The following ARL15 variants were observed in gnomAD, a reference collection of about 807,000 sequenced individuals.
ARL15 encodes ARF like GTPase 15.
A neutral mutation model predicts 25.2 loss-of-function variants in ARL15; 19 were observed. The ratio of observed to expected loss-of-function variants is 0.75; its 90% CI spans 0.53 to 1.10. The LOEUF is 1.10. ARL15 is among the 50% of genes least tolerant of loss of function. The pLI, the probability that ARL15 is intolerant of heterozygous loss-of-function variation, is 0.00. For missense variants in ARL15, 220 were observed against 246.0 expected (o/e 0.89, Z 0.71); for synonymous variants, 94 against 86.8 (o/e 1.08, Z -0.46).
chr5:53,890,313 T>C (rs1580052373), intron 4 of ARL15, among the ~76,000 whole-genome samples: 2 of 152,312 alleles, frequency 1.3e-5, no homozygotes, highest in East Asian at 3.9e-4. Flanking sequence ...TCTGACGTTA[T>C]TTTTAAGGTT....
chr5:54,064,247 C>A (rs898612303), intron 4 of ARL15, among the ~76,000 whole-genome samples: 1 of 152,054 alleles, frequency 6.6e-6, no homozygotes, highest in Non-Finnish European at 1.5e-5. Context: ...TACCGAAATA[C>A]AGATGATGAG....
chr5:54,093,942 C>T (rs1437518723), intron 4 of ARL15, among the ~76,000 whole-genome samples: 1 of 152,118 alleles, frequency 6.6e-6, no homozygotes, highest in Non-Finnish European at 1.5e-5. Context: ...TGTTTAAAAT[C>T]CACATTCTTA....
chr5:53,923,847 AG>A (rs890755747), intron 4 of ARL15, among the ~76,000 whole-genome samples: 36 of 152,060 alleles, frequency 2.4e-4, no homozygotes, highest in African/African-American at 8.7e-4. Flanking sequence ...CCTGGGCAAC[AG>A]AGCAAGACTC....
chr5:53,889,834 CAG>C (rs988056919), intron 4 of ARL15, among the ~76,000 whole-genome samples: 1 of 137,046 alleles, frequency 7.3e-6, no homozygotes, highest in African/African-American at 2.7e-5. Context: ...TTTTCCGAGA[CAG>C]AGTTTTGCTC....
intron 1 of ARL15, among the ~76,000 whole-genome samples, chr5:54,200,452 G>T (rs952197730): frequency 6.6e-6 from 1 of 152,056 alleles, no homozygotes; most frequent in Non-Finnish European, 1.5e-5. Context: ...ACTTTGAGAA[G>T]CAGCCAAGAT....
At chr5:53,985,390 TCAC>T (rs1056414376) in intron 4 of ARL15, among the ~76,000 whole-genome samples, 4 of 152,214 alleles carry the variant, frequency 2.6e-5, no homozygotes, top group Non-Finnish European at 5.9e-5. Context: ...TGTGCAACCA[TCAC>T]CACCATCCAT....
At chr5:54,230,726 C>T (rs930960792) in intron 1 of ARL15, among the ~76,000 whole-genome samples, 11 of 152,178 alleles carry the variant, frequency 7.2e-5, no homozygotes, top group African/African-American at 2.4e-4. Context: ...GGTTCTCACT[C>T]CCTAGGGCCT....
chr5:54,238,333 T>C (rs930833073), intron 1 of ARL15, among the ~76,000 whole-genome samples: 15 of 152,162 alleles, frequency 9.9e-5, no homozygotes, highest in Admixed American at 7.2e-4. Context: ...TGAAATACTC[T>C]TTAGCCTAAA....
intron 1 of ARL15, among the ~76,000 whole-genome samples, chr5:54,296,316 C>G (rs757849907): frequency 2.0e-5 from 3 of 152,174 alleles, no homozygotes; most frequent in Non-Finnish European, 4.4e-5. Context: ...ATTAGGCTCT[C>G]TTTTAAATGC....
intron 1 of ARL15, among the ~76,000 whole-genome samples, chr5:54,269,762 C>T (rs954519695): frequency 6.6e-6 from 1 of 152,206 alleles, no homozygotes; most frequent in Admixed American, 6.5e-5. Context: ...TCGCCTGCCT[C>T]AGCCTCCTGA....
chr5:54,077,354 T>G (rs1404064113), intron 4 of ARL15, among the ~76,000 whole-genome samples: 3 of 152,200 alleles, frequency 2.0e-5, no homozygotes, highest in African/African-American at 7.2e-5. Context: ...TCACCCTCTT[T>G]AGACAGTTCA....
chr5:53,948,034 G>A (rs1746808084), intron 4 of ARL15, among the ~76,000 whole-genome samples: 1 of 152,010 alleles, frequency 6.6e-6, no homozygotes, highest in Non-Finnish European at 1.5e-5. Flanking sequence ...GTTGCAGAAG[G>A]AAACAATAAA....
At chr5:54,130,361 A>G (rs900001446) in intron 3 of ARL15, among the ~76,000 whole-genome samples, 7 of 152,240 alleles carry the variant, frequency 4.6e-5, no homozygotes, top group African/African-American at 1.7e-4. Context: ...CTCTTTCCTA[A>G]TGCAACACCC....
chr5:54,060,128 CTAA>C (rs1356074087), intron 4 of ARL15, among the ~76,000 whole-genome samples: 709 of 64,784 alleles, frequency 0.011, 3 homozygotes, highest in Admixed American at 0.023. Context: ...GATCTGATGA[CTAA>C]AAAAAAAAAA....
At chr5:54,171,429 A>G (rs377536189) in intron 2 of ARL15, among the ~76,000 whole-genome samples, 25 of 152,166 alleles carry the variant, frequency 1.6e-4, no homozygotes, top group African/African-American at 5.8e-4. Flanking sequence ...TGTGTGGCCA[A>G]GAAACATAGG....
At chr5:54,274,593 T>C (rs1460079186) in intron 1 of ARL15, among the ~76,000 whole-genome samples, 1 of 152,154 alleles carries the variant, frequency 6.6e-6, no homozygotes, top group Non-Finnish European at 1.5e-5. Flanking sequence ...TTTTGCTTAC[T>C]AAAGGTAAGA....
At chr5:54,035,686 T>A (rs1750144990) in intron 4 of ARL15, among the ~76,000 whole-genome samples, 1 of 152,218 alleles carries the variant, frequency 6.6e-6, no homozygotes, top group Non-Finnish European at 1.5e-5. Flanking sequence ...AGCCCACTTT[T>A]AAATATGAGA....
At chr5:54,298,941 T>C (rs887325441) in intron 1 of ARL15, among the ~76,000 whole-genome samples, 1 of 151,940 alleles carries the variant, frequency 6.6e-6, no homozygotes, top group African/African-American at 2.4e-5. Flanking sequence ...TCTTGTTCTG[T>C]CACCCAGGCT....
intron 4 of ARL15, among the ~76,000 whole-genome samples, chr5:54,089,537 C>A (rs1486757349): frequency 6.6e-6 from 1 of 152,036 alleles, no homozygotes; most frequent in African/African-American, 2.4e-5. Context: ...AAGTTTTTTA[C>A]CTACTACGAG....
Sources: gnomAD v4.1 joint callset for allele counts (sites outside exome capture counted in the v4.1 genomes callset) on GRCh38, gnomAD v4.1.1 for gene constraint, MANE v1.5 for transcripts, NCBI Gene and HGNC (gene_info 2026-07-23, HGNC 2026-07-21) for gene names.